CMSS1: variants seen among roughly 807,000 people sequenced by gnomAD.
CMSS1 encodes cms1 ribosomal small subunit homolog.
A neutral mutation model predicts 43.5 loss-of-function variants in CMSS1; 33 were observed. The observed-to-expected ratio is 0.76, with a 90% confidence interval of 0.57 to 1.01. The LOEUF is 1.01. Among genes scored for constraint, CMSS1 ranks in the 50% least tolerant of loss-of-function variants. The pLI is 0.00. For missense variants in CMSS1, 313 were observed against 326.4 expected, an observed-to-expected ratio of 0.96 and a Z score of 0.32; for synonymous variants, 115 against 117.2, an observed-to-expected ratio of 0.98 and a Z score of 0.12.
intron 1 of CMSS1, among the ~76,000 whole-genome samples, chr3:100,116,065 A>G (rs758664125): frequency 6.6e-6 from 1 of 152,224 alleles, no homozygotes; most frequent in Non-Finnish European, 1.5e-5. Flanking sequence ...CAGGAATACT[A>G]CAGAAACAAT....
intron 1 of CMSS1, among the ~76,000 whole-genome samples, chr3:99,985,259 T>A (rs1216520625): frequency 1.3e-5 from 2 of 152,146 alleles, no homozygotes. Context: ...GGGCCCATCA[T>A]GGTGGCTCAC....
Position 100,073,233 on chromosome 3 carries a change from C to T in CMSS1, c.65-73740C>T, listed in dbSNP as rs1484482636. 2.6e-5 allele frequency among the ~76,000 whole-genome samples: 4 copies of T among 152,116 alleles called. No individual in the cohort carries two copies. In the South Asian group the frequency reaches 6.2e-4, roughly 24 times the overall value. ...TATAAATAAAGTTTTATTGGAACTC[C>T]ACCATACTCATTTATTTATATATTA... On this transcript the variant is annotated intron_variant, in intron 1 of 9. Coordinates refer to ENST00000421999, the MANE Select transcript of CMSS1 (RefSeq NM_032359.4).
At chr3:99,889,639 C>T (rs973586083) in intron 1 of CMSS1, among the ~76,000 whole-genome samples, 1 of 151,882 alleles carries the variant, frequency 6.6e-6, no homozygotes, top group Non-Finnish European at 1.5e-5. Flanking sequence ...GCTTTTATCT[C>T]ATTTCTTGGC....
intron 1 of CMSS1, among the ~76,000 whole-genome samples, chr3:100,010,869 C>T (rs1157077617): frequency 8.0e-5 from 12 of 149,794 alleles, no homozygotes; most frequent in South Asian, 2.1e-4. Context: ...CCTCATGATC[C>T]GCCTGCTTCA....
At chr3:100,114,149 TTTC>T (rs1476920889) in intron 1 of CMSS1, 1 of 151,840 alleles carries the variant, frequency 6.6e-6, no homozygotes, top group Non-Finnish European at 1.5e-5. Flanking sequence ...ACAACAACGT[TTTC>T]TTCTTCTCTT....
At chr3:99,977,328 A>G (rs1405001235) in intron 1 of CMSS1, among the ~76,000 whole-genome samples, 1 of 152,124 alleles carries the variant, frequency 6.6e-6, no homozygotes, top group Non-Finnish European at 1.5e-5. Context: ...CATCTTAGAA[A>G]GGTTGATCTA....
chr3:100,118,378 T>C (rs1246326048), intron 1 of CMSS1, among the ~76,000 whole-genome samples: 6 of 152,094 alleles, frequency 3.9e-5, no homozygotes, highest in Non-Finnish European at 8.8e-5. Flanking sequence ...AAATTAGTTA[T>C]TTAAGAGATT....
chr3:100,000,794 T>A (rs865855615), intron 1 of CMSS1, among the ~76,000 whole-genome samples: 1 of 152,264 alleles, frequency 6.6e-6, no homozygotes, highest in South Asian at 2.1e-4. Flanking sequence ...TTGTTTGAAG[T>A]GTATTGAAAT....
At chr3:100,114,955 C>T (rs569417422) in intron 1 of CMSS1, 24 of 1,535,302 alleles carry the variant, frequency 1.6e-5, no homozygotes, top group Admixed American at 2.0e-5. Context: ...GACACGAGGG[C>T]AAAGTGCTGA....
chr3:100,172,784 A>G (rs539656202), intron 8 of CMSS1, among the ~76,000 whole-genome samples: 2 of 152,338 alleles, frequency 1.3e-5, no homozygotes, highest in South Asian at 4.1e-4. Context: ...ACTAAAACAA[A>G]AAACGTAGTT....
intron 1 of CMSS1, among the ~76,000 whole-genome samples, chr3:99,929,346 C>G (rs1707397616): frequency 6.6e-6 from 1 of 152,196 alleles, no homozygotes; most frequent in South Asian, 2.1e-4. Context: ...ATGCACTCAT[C>G]TAAAATATAT....
chr3:100,153,858 TC>T (rs1194166392), intron 2 of CMSS1, among the ~76,000 whole-genome samples: 8 of 151,886 alleles, frequency 5.3e-5, no homozygotes, highest in African/African-American at 1.7e-4. Context: ...CTTTTTTTTT[TC>T]TTTTTTTTTA....
intron 1 of CMSS1, among the ~76,000 whole-genome samples, chr3:100,043,408 A>G (rs961247602): frequency 1.3e-5 from 2 of 152,280 alleles, no homozygotes; most frequent in South Asian, 2.1e-4. Context: ...CTTGAGGCTT[A>G]TAGCAGCTCA....
At chr3:99,924,012 G>C (rs1199408006) in intron 1 of CMSS1, among the ~76,000 whole-genome samples, 1 of 152,190 alleles carries the variant, frequency 6.6e-6, no homozygotes, top group African/African-American at 2.4e-5. Flanking sequence ...TCAAGAGTTA[G>C]GGGCCTAACA....
At chr3:100,127,318 C>T (rs1161890023) in intron 1 of CMSS1, among the ~76,000 whole-genome samples, 1 of 152,274 alleles carries the variant, frequency 6.6e-6, no homozygotes, top group Non-Finnish European at 1.5e-5. Flanking sequence ...GCACTTCCCT[C>T]GAGAGCAGGG....
chr3:99,992,136 G>A (rs1247051112), intron 1 of CMSS1, among the ~76,000 whole-genome samples: 1 of 151,586 alleles, frequency 6.6e-6, no homozygotes, highest in Non-Finnish European at 1.5e-5. Flanking sequence ...AAATACAAGT[G>A]CAGCTATCTT....
At chr3:99,823,926 T>TC (rs1312239977) in intron 1 of CMSS1, among the ~76,000 whole-genome samples, 1 of 141,184 alleles carries the variant, frequency 7.1e-6, no homozygotes, top group Non-Finnish European at 1.6e-5. Context: ...TCTTTCTTTC[T>TC]TTTTTTTTTT....
chr3:99,839,075 G>T (rs1330106152), intron 1 of CMSS1, among the ~76,000 whole-genome samples: 1 of 151,942 alleles, frequency 6.6e-6, no homozygotes, highest in African/African-American at 2.4e-5. Context: ...CACCTCTTTG[G>T]AGCACCTTTC....
At chr3:99,978,081 A>G (rs532280400) in intron 1 of CMSS1, among the ~76,000 whole-genome samples, 2 of 152,326 alleles carry the variant, frequency 1.3e-5, no homozygotes, top group African/African-American at 4.8e-5. Context: ...AAAAGAAAAC[A>G]TTTTTAAAGC....
Sources: allele counts gnomAD v4.1 joint callset (sites outside exome capture counted in the v4.1 genomes callset), GRCh38; gene constraint gnomAD v4.1.1; transcripts MANE v1.5; gene names NCBI Gene and HGNC (gene_info 2026-07-23, HGNC 2026-07-21).